NIN: variants seen among roughly 807,000 people sequenced by gnomAD.
NIN encodes ninein, also known as glycogen synthase kinase 3 beta-interacting protein.
NIN carries 137 observed loss-of-function variants against 257.6 expected under a neutral mutation model. The ratio of observed to expected loss-of-function variants is 0.53; its 90% CI spans 0.46 to 0.61. The LOEUF (loss-of-function observed/expected upper bound fraction) is 0.61, where lower values mean the gene tolerates loss of function less well. NIN is among the 20% of genes least tolerant of loss of function. The pLI is 0.00. For synonymous variants in NIN, 918 were observed against 919.8 expected, an observed-to-expected ratio of 1.00 and a Z score of 0.04; for missense variants, 2,439 against 2,501.2, an observed-to-expected ratio of 0.98 and a Z score of 0.53.
rs1305317929 is a variant in NIN at position 50,788,734 on chromosome 14, A to G, written c.435+3978T>C. On this transcript the variant is annotated intron_variant, in intron 5 of 30. Coordinates refer to ENST00000530997, the MANE Select transcript of NIN (RefSeq NM_020921.4). The stretch of plus-strand genomic sequence containing the variant: ...CCTATAGGATGAGTTCCTAGAAGCC[A>G]GCCCCCTTGGGGACAGTTTTTATAG... Among the ~76,000 whole-genome samples the G allele has an allele frequency of 2.0e-5, 3 of 152,336 alleles. No individual in the cohort carries two copies. In the East Asian group the frequency reaches 5.8e-4, roughly 29 times the overall value.
chr14:50,817,922 C>T (rs112780158), intron 3 of NIN, among the ~76,000 whole-genome samples: 13,428 of 151,834 alleles, frequency 0.088, 722 homozygotes, highest in Admixed American at 0.14. Flanking sequence ...CACAGTGTTG[C>T]CCAGGCTGCT....
intron 4 of NIN, chr14:50,806,090 T>G (rs569573536): frequency 6.6e-6 from 1 of 152,350 alleles, no homozygotes; most frequent in Non-Finnish European, 1.5e-5. Context: ...TTGGCAACAA[T>G]TTTTGTTTTT....
At chr14:50,807,873 C>T (rs1417775410) in intron 3 of NIN, among the ~76,000 whole-genome samples, 1 of 152,120 alleles carries the variant, frequency 6.6e-6, no homozygotes, top group African/African-American at 2.4e-5. Flanking sequence ...AATTGTATCT[C>T]CTTGCAATTT....
chr14:50,827,157 C>A (rs527250582), intron 2 of NIN, among the ~76,000 whole-genome samples: 1 of 152,136 alleles, frequency 6.6e-6, no homozygotes, highest in African/African-American at 2.4e-5. Flanking sequence ...TTCAGGCTCA[C>A]CATATTGGAC....
At chr14:50,801,845 T>C (rs2044116814) in intron 4 of NIN, among the ~76,000 whole-genome samples, 1 of 152,244 alleles carries the variant, frequency 6.6e-6, no homozygotes, top group African/African-American at 2.4e-5. Context: ...AGTTGGCTTT[T>C]TCAAACCTGA....
intron 5 of NIN, among the ~76,000 whole-genome samples, chr14:50,780,562 T>G (rs537195465): frequency 6.6e-6 from 1 of 152,330 alleles, no homozygotes; most frequent in Non-Finnish European, 1.5e-5. Flanking sequence ...ATCTACTTTA[T>G]TCTCCACACT....
chr14:50,767,686 G>T (rs189096843), intron 12 of NIN, among the ~76,000 whole-genome samples: 1 of 151,782 alleles, frequency 6.6e-6, no homozygotes, highest in Non-Finnish European at 1.5e-5. Flanking sequence ...GTGTGGTGGC[G>T]GGCGCCTGTA....
chr14:50,745,978 C>T (rs2041517589), intron 22 of NIN, among the ~76,000 whole-genome samples: 1 of 151,300 alleles, frequency 6.6e-6, no homozygotes, highest in African/African-American at 2.4e-5. Context: ...AACTTTCTAC[C>T]AAAGGCAGAC....
intron 2 of NIN, among the ~76,000 whole-genome samples, chr14:50,825,920 G>A (rs1157718238): frequency 5.9e-5 from 9 of 152,168 alleles, no homozygotes; most frequent in Admixed American, 5.9e-4. Flanking sequence ...GGGATATACA[G>A]ATAGAATACA....
At chr14:50,723,761 T>A (rs1015855609) in intron 30 of NIN, 89 bp from the exon 31 acceptor site, 1 of 1,094,384 alleles carries the variant, frequency 9.1e-7, no homozygotes, top group Non-Finnish European at 1.4e-6. Flanking sequence ...ACAGTTGTTT[T>A]ATAAAGGCAA....
intron 14 of NIN, among the ~76,000 whole-genome samples, chr14:50,765,734 AG>A (rs1416548149): frequency 1.3e-5 from 2 of 151,090 alleles, no homozygotes; most frequent in East Asian, 1.9e-4. Context: ...AAATGTATTC[AG>A]AAAAAAAAAA....
At position 50,757,470 on chromosome 14, in the gene NIN, T is replaced by C. The variant is rs1309283502; in HGVS notation, c.3560A>G (p.Glu1187Gly). The stretch of plus-strand genomic sequence containing the variant: ...CTCCCAGGATTCAGTCCTGGTCTCT[T>C]CACTGTTTTCAAGCTCAGAAAAACC... ...VEGFSELENS[E>G]ETRTESWELK... The change falls in exon 18 of 31, where the codon GAA (glutamate) becomes GGA (glycine). Residue 1187 changes from glutamate (E) to glycine (G), a missense_variant. By Grantham distance (98) the Glu-to-Gly change is moderately conservative. Around this residue, in one of 3 missense-constraint regions of NIN, gnomAD observed 2,043 missense variants for 2,050.2 expected, o/e 1.00. Coordinates refer to ENST00000530997, the MANE Select transcript of NIN (RefSeq NM_020921.4). 6.2e-7 allele frequency: 1 copy of C among 1,614,074 alleles called. No individual in the cohort carries two copies. The highest frequency in any genetic ancestry group is 1.1e-5 in the South Asian group (1 of 91,066).
intron 5 of NIN, among the ~76,000 whole-genome samples, chr14:50,780,823 A>C (rs1292035851): frequency 6.6e-6 from 1 of 152,226 alleles, no homozygotes; most frequent in Non-Finnish European, 1.5e-5. Flanking sequence ...GCATCAATGA[A>C]AAGTGAATTA....
At chr14:50,761,706 A>G (rs2042281535) in intron 16 of NIN, 84 bp downstream of exon 16, 1 of 1,512,014 alleles carries the variant, frequency 6.6e-7, no homozygotes, top group Non-Finnish European at 9.1e-7. Flanking sequence ...GCTCTATGAG[A>G]AAAAAGAATT....
At chr14:50,797,866 T>G (rs1424593979) in intron 4 of NIN, among the ~76,000 whole-genome samples, 63 of 127,692 alleles carry the variant, frequency 4.9e-4, no homozygotes, top group African/African-American at 8.3e-4. Context: ...TATGGAGGGG[T>G]GGGGAAGGGG....
At chr14:50,744,168 C>T (rs1156569875) in intron 23 of NIN, 75 bp downstream of exon 23, 1 of 1,501,224 alleles carries the variant, frequency 6.7e-7, no homozygotes, top group Non-Finnish European at 9.1e-7. Flanking sequence ...GGCCCCTGTG[C>T]CACTGTCCAC....
intron 3 of NIN, among the ~76,000 whole-genome samples, chr14:50,808,057 A>C (rs2044408142): frequency 2.0e-5 from 3 of 152,260 alleles, no homozygotes; most frequent in Non-Finnish European, 4.4e-5. Context: ...TAAAATATAC[A>C]TCACCTCACA....
At chr14:50,764,351 T>C (rs777967438) in intron 14 of NIN, among the ~76,000 whole-genome samples, 6 of 152,142 alleles carry the variant, frequency 3.9e-5, no homozygotes, top group Admixed American at 3.9e-4. Flanking sequence ...CAAAAAGACA[T>C]ACAATAACGA....
chr14:50,761,701 A>T lies in NIN; in HGVS notation c.1896+89T>A, dbSNP rs540920785. The T allele has an allele frequency of 2.9e-5, 42 of 1,471,900 alleles. No homozygotes were observed. In the African/African-American group the frequency reaches 4.3e-4, roughly 15 times the overall value. The allele number at this position is 1,471,900 out of a possible 1,614,324, so 91.2% of individuals were successfully genotyped here. A position where few individuals can be genotyped will look rare whatever the true frequency, so the allele number is the denominator to read the frequency against. The stretch of plus-strand genomic sequence containing the variant: ...TTCCCAACATAGAATGTGCTGCTCT[A>T]TGAGAAAAAAGAATTGGAAATGCCC... On this transcript the variant is annotated intron_variant, in intron 16 of 30. Transcript: ENST00000530997.
Sources: allele counts gnomAD v4.1 joint callset (sites outside exome capture counted in the v4.1 genomes callset), GRCh38; gene constraint gnomAD v4.1.1; regional missense constraint gnomAD v4.1.1; transcripts MANE v1.5; gene names NCBI Gene and HGNC (gene_info 2026-07-23, HGNC 2026-07-21).